The following OPCML variants were observed in gnomAD, a reference collection of about 807,000 sequenced individuals.
The protein encoded by OPCML is opioid binding protein/cell adhesion molecule like.
Under a neutral mutation model 37.8 loss-of-function variants are expected in OPCML, and 13 were observed. That is an observed-to-expected ratio of 0.34 (90% CI 0.22 to 0.55). OPCML has a LOEUF of 0.55. OPCML is among the 20% of genes least tolerant of loss of function. The pLI is 0.91. For missense variants in OPCML, 341 were observed against 435.6 expected (o/e 0.78, Z 1.93); for synonymous variants, 176 against 168.8 (o/e 1.04, Z -0.33).
rs373440883 is a variant in OPCML at position 132,578,567 on chromosome 11, A to G, written c.380-49381T>C. 7.5e-4 allele frequency among the ~76,000 whole-genome samples: 115 copies of G among 152,340 alleles called. 3 individuals carry two copies. The South Asian group carries it at 0.023, about 31-fold the overall frequency. On this transcript the variant is annotated intron_variant, in intron 3 of 7. Transcript: ENST00000524381. ...GACAGTTCCAAAGCCTTGGTAATGT[A>G]TAAGCCATCCTTGTTGAATGTAACA...
At chr11:132,697,518 G>C (rs576007751) in intron 2 of OPCML, among the ~76,000 whole-genome samples, 1 of 152,224 alleles carries the variant, frequency 6.6e-6, no homozygotes, top group Non-Finnish European at 1.5e-5. Context: ...ACATATAAGT[G>C]AGATCATGCA....
intron 1 of OPCML, chr11:133,418,323 T>C: frequency 2.0e-6 from 2 of 985,350 alleles, no homozygotes; most frequent in Non-Finnish European, 2.4e-6. Flanking sequence ...TAATGCAGAC[T>C]AGATTTGATG....
At chr11:132,813,911 A>G (rs1439771940) in intron 2 of OPCML, among the ~76,000 whole-genome samples, 1 of 152,162 alleles carries the variant, frequency 6.6e-6, no homozygotes, top group Non-Finnish European at 1.5e-5. Flanking sequence ...CCCTTGTCTG[A>G]GATAGGTGTG....
chr11:133,408,673 A>G (rs1387032754), intron 1 of OPCML, among the ~76,000 whole-genome samples: 1 of 152,074 alleles, frequency 6.6e-6, no homozygotes, highest in African/African-American at 2.4e-5. Flanking sequence ...GGGGCCTTGT[A>G]CACATGCCTA....
chr11:132,858,638 C>A (rs1327563236), intron 2 of OPCML, among the ~76,000 whole-genome samples: 2 of 152,142 alleles, frequency 1.3e-5, no homozygotes, highest in Admixed American at 1.3e-4. Flanking sequence ...CCATCCAAGT[C>A]CTGACTCTGG....
chr11:132,442,088 G>A lies in OPCML; in HGVS notation c.506-4729C>T, dbSNP rs114107715. 6.1e-3 allele frequency among the ~76,000 whole-genome samples: 934 copies of A among 152,320 alleles called. 11 individuals carry two copies. Among genetic ancestry groups the A allele is most frequent in the African/African-American group, 0.021 (886 of 41,568 alleles). On this transcript the variant is annotated intron_variant, in intron 4 of 7. Transcript: ENST00000524381. ...GGATGAGCGAGGTGTTGTGTCAGAC[G>A]CTGTGGTGAGGGAATGGGGGCAGAG... is the stretch of plus-strand genomic sequence containing the variant.
In OPCML at chr11:132,830,499, C is replaced by A. The variant is rs1290945691; in HGVS notation, c.146+112427G>T. Reference sequence around the variant, plus strand: ...CCCTGCACTGGGACATGCTACCCTGCAGTGTCGGTTCACCAGGATGCCTTC... The same window carrying A: ...CCCTGCACTGGGACATGCTACCCTGAAGTGTCGGTTCACCAGGATGCCTTC... On this transcript the variant is annotated intron_variant, in intron 2 of 7. Transcript: ENST00000524381. Among the ~76,000 whole-genome samples, 9 of 152,200 alleles carry A rather than the reference C, an allele frequency of 5.9e-5. No homozygotes were observed. The East Asian group carries it at 1.5e-3, about 26-fold the overall frequency.
chr11:132,987,746 G>C (rs530530409), intron 1 of OPCML, among the ~76,000 whole-genome samples: 1 of 152,246 alleles, frequency 6.6e-6, no homozygotes, highest in South Asian at 2.1e-4. Flanking sequence ...TCTTCCCTAT[G>C]CTCCACCAAC....
At chr11:133,391,596 G>A (rs532563265) in intron 1 of OPCML, among the ~76,000 whole-genome samples, 1 of 152,232 alleles carries the variant, frequency 6.6e-6, no homozygotes, top group South Asian at 2.1e-4. Context: ...AGCAGGACGC[G>A]TTCCAAGCAT....
At chr11:132,771,700 T>C (rs1946639439) in intron 2 of OPCML, 1 of 152,132 alleles carries the variant, frequency 6.6e-6, no homozygotes, top group Non-Finnish European at 1.5e-5. Context: ...AATGTAATTC[T>C]CCAAAAAGCC....
At chr11:132,756,382 G>A (rs1946045267) in intron 2 of OPCML, among the ~76,000 whole-genome samples, 1 of 152,120 alleles carries the variant, frequency 6.6e-6, no homozygotes, top group Admixed American at 6.5e-5. Flanking sequence ...GGGTTTCTTG[G>A]CAGCAAAAAC....
intron 1 of OPCML, among the ~76,000 whole-genome samples, chr11:133,245,193 A>C (rs1452755389): frequency 6.6e-6 from 1 of 152,084 alleles, no homozygotes; most frequent in Non-Finnish European, 1.5e-5. Context: ...GTGCAGCCTT[A>C]CTCTCAGTCA....
rs564473572 is a variant in OPCML, at chr11:132,422,959, G to A, written c.917-2666C>T. On this transcript the variant is annotated intron_variant, in intron 7 of 7. Coordinates refer to ENST00000524381, the MANE Select transcript of OPCML (RefSeq NM_001012393.5). The stretch of plus-strand genomic sequence containing the variant: ...GTTCCCTCTCCGGGCTTTGCTTCTC[G>A]CATTGCAAATTGAGAAGAGATGGGG... Among the ~76,000 whole-genome samples, 11 of 152,306 alleles carry A rather than the reference G, an allele frequency of 7.2e-5. 1 individual carries two copies. The highest frequency in any genetic ancestry group is 9.6e-5 in the African/African-American group (4 of 41,560).
intron 1 of OPCML, chr11:133,300,563 C>T (rs1451817986): frequency 6.6e-6 from 1 of 152,158 alleles, no homozygotes; most frequent in African/African-American, 2.4e-5. Flanking sequence ...CACAATACTT[C>T]CTGATGAGGT....
At position 133,090,137 on chromosome 11, in the gene OPCML, C is replaced by T. The variant is rs192658501; in HGVS notation, c.62-147127G>A. On this transcript the variant is annotated intron_variant, in intron 1 of 7. Coordinates refer to ENST00000524381, the MANE Select transcript of OPCML (RefSeq NM_001012393.5). ...GAGCCCATTTATGGAGCATCCTCTC[C>T]GCCCTTACTACTTAGACATGCTTCT... Among the ~76,000 whole-genome samples the T allele has an allele frequency of 1.9e-3, 288 of 152,252 alleles. 1 individual carries two copies. The highest frequency in any genetic ancestry group is 6.1e-3 in the African/African-American group (253 of 41,544).
intron 3 of OPCML, among the ~76,000 whole-genome samples, chr11:132,641,892 A>G (rs553492718): frequency 5.3e-5 from 8 of 152,320 alleles, no homozygotes; most frequent in African/African-American, 1.9e-4. Context: ...GCCAGTGCTC[A>G]GGGGTTGTCA....
chr11:133,279,913 G>A (rs577345551), intron 1 of OPCML, among the ~76,000 whole-genome samples: 2 of 152,272 alleles, frequency 1.3e-5, no homozygotes, highest in South Asian at 4.1e-4. Flanking sequence ...TATTTGTGAG[G>A]AAATAATGAT....
intron 1 of OPCML, among the ~76,000 whole-genome samples, chr11:133,531,970 T>C (rs977210251): frequency 2.0e-5 from 3 of 152,124 alleles, no homozygotes; most frequent in African/African-American, 7.2e-5. Flanking sequence ...TTAATGCCAG[T>C]TGGTGACTTT....
intron 1 of OPCML, among the ~76,000 whole-genome samples, chr11:133,003,191 C>A (rs1419952041): frequency 6.6e-6 from 1 of 152,142 alleles, no homozygotes; most frequent in African/African-American, 2.4e-5. Context: ...CAAATTTCCA[C>A]AAACATGGTG....
Sources: gnomAD v4.1 joint callset for allele counts (sites outside exome capture counted in the v4.1 genomes callset) on GRCh38, gnomAD v4.1.1 for gene constraint, MANE v1.5 for transcripts, NCBI Gene and HGNC (gene_info 2026-07-23, HGNC 2026-07-21) for gene names.